CIT: variants seen among roughly 807,000 people sequenced by gnomAD.
The protein encoded by CIT is citron rho-interacting serine/threonine kinase.
In CIT, 79 loss-of-function variants were observed where a neutral mutation model predicts 272.7. The ratio of observed to expected loss-of-function variants is 0.29; its 90% CI spans 0.24 to 0.35. The LOEUF (loss-of-function observed/expected upper bound fraction) is 0.35. Ranked by LOEUF, CIT falls within the 10% of genes least tolerant of loss-of-function variation. CIT has a pLI of 1.00. For synonymous variants in CIT, 948 were observed against 995.6 expected, an observed-to-expected ratio of 0.95 and a Z score of 0.90; for missense variants, 1,909 against 2,618.3, an observed-to-expected ratio of 0.73 and a Z score of 5.91.
intron 33 of CIT, 145 bp downstream of exon 33, chr12:119,714,052 A>G (rs1371744834): frequency 3.3e-6 from 3 of 914,266 alleles, no homozygotes; most frequent in Admixed American, 5.6e-5. Flanking sequence ...TCAACAGGGG[A>G]AAAATAGCAT....
rs1963693070 is a variant in CIT, at chr12:119,775,789, C to T, written c.1938G>A (p.Glu646=). ...TGAAAAATCACCTTGGGCTTACCTTCTCCAGTTTCTCTTGGAGCTCCTGAA... is the reference window on the plus strand; with the variant it reads ...TGAAAAATCACCTTGGGCTTACCTTTTCCAGTTTCTCTTGGAGCTCCTGAA... ...LKIQELQEKL[E]KAVKASTEAT... is the part of the protein sequence containing the mutation. Residue 646 remains glutamate, a synonymous_variant, in exon 16 of 48, where the codon GAG becomes GAA. Coordinates refer to ENST00000392521, the MANE Select transcript of CIT (RefSeq NM_001206999.2). 1 of 1,613,400 alleles carries T rather than the reference C, an allele frequency of 6.2e-7. No homozygotes were observed. The highest frequency in any genetic ancestry group is 8.5e-7 in the Non-Finnish European group (1 of 1,179,368).
At chr12:119,808,182 A>G (rs1339978251) in intron 9 of CIT, among the ~76,000 whole-genome samples, 1 of 152,022 alleles carries the variant, frequency 6.6e-6, no homozygotes, top group African/African-American at 2.4e-5. Context: ...TTTTGAGGGG[A>G]AAAAAATTAT....
At chr12:119,727,066 T>C (rs1381245778) in intron 28 of CIT, among the ~76,000 whole-genome samples, 1 of 152,216 alleles carries the variant, frequency 6.6e-6, no homozygotes, top group East Asian at 1.9e-4. Context: ...AAACTTAATA[T>C]ACTTTGGATA....
chr12:119,863,964 C>T (rs900474440), intron 3 of CIT, among the ~76,000 whole-genome samples: 9 of 152,080 alleles, frequency 5.9e-5, no homozygotes, highest in African/African-American at 1.7e-4. Context: ...GATTCGCTGG[C>T]GCCTTGATCT....
intron 7 of CIT, 101 bp downstream of exon 7, chr12:119,832,670 A>AGTG (rs1968722719): frequency 1.0e-6 from 1 of 987,992 alleles, no homozygotes; most frequent in African/African-American, 1.6e-5. Flanking sequence ...AAAGGCTCCA[A>AGTG]AACATTGTTC....
At chr12:119,838,403 T>C (rs1969171026) in intron 5 of CIT, among the ~76,000 whole-genome samples, 1 of 152,062 alleles carries the variant, frequency 6.6e-6, no homozygotes, top group African/African-American at 2.4e-5. Context: ...AGAAGAAGTA[T>C]AGTAACATAA....
chr12:119,775,905 T>C (rs780887013), intron 15 of CIT, 66 bp from the exon 16 acceptor site: 28 of 1,296,070 alleles, frequency 2.2e-5, no homozygotes, highest in Non-Finnish European at 3.1e-5. Flanking sequence ...CTACATTTAT[T>C]GCAGTCCTAT....
At chr12:119,872,053 G>C (rs1022865624) in intron 2 of CIT, among the ~76,000 whole-genome samples, 1 of 152,182 alleles carries the variant, frequency 6.6e-6, no homozygotes, top group Admixed American at 6.6e-5. Flanking sequence ...ACAGCCTGCA[G>C]TGAAATGAGA....
At chr12:119,857,462 G>A (rs1407584937) in intron 4 of CIT, 61 bp downstream of exon 4, 34 of 1,539,424 alleles carry the variant, frequency 2.2e-5, no homozygotes, top group Admixed American at 3.5e-5. Flanking sequence ...GCAGATTATC[G>A]TCTTTGCAAT....
At chr12:119,806,986 C>A (rs994995730) in intron 9 of CIT, among the ~76,000 whole-genome samples, 1 of 152,132 alleles carries the variant, frequency 6.6e-6, no homozygotes, top group Non-Finnish European at 1.5e-5. Context: ...ACTTAGTGAA[C>A]TAGCAGTTAG....
At chr12:119,799,988 G>A (rs1461303780) in intron 10 of CIT, among the ~76,000 whole-genome samples, 1 of 151,924 alleles carries the variant, frequency 6.6e-6, no homozygotes, top group African/African-American at 2.4e-5. Context: ...AGAAATGCAC[G>A]GCTTCACCAA....
At position 119,804,221 on chromosome 12, in the gene CIT, C is replaced by G; in HGVS notation, c.1112-832G>C. 1 of 985,486 alleles carries G rather than the reference C, an allele frequency of 1.0e-6. No individual in the cohort carries two copies. Among genetic ancestry groups the G allele is most frequent in the South Asian group, 4.7e-5 (1 of 21,286 alleles). The allele number at this position is 985,486 out of a possible 1,614,324, so 61.0% of individuals were successfully genotyped here. A position where few individuals can be genotyped will look rare whatever the true frequency, so the allele number is the denominator to read the frequency against. Reference sequence around the variant, plus strand: ...TTACATCCTCTCCACTTCCTCCGACCTACTAAGCGCTCTCGGTCTGGGAGG... The same window carrying G: ...TTACATCCTCTCCACTTCCTCCGACGTACTAAGCGCTCTCGGTCTGGGAGG... On this transcript the variant is annotated intron_variant, in intron 9 of 47. Transcript: ENST00000392521. This position sits in a 1 kb window ranked among gnomAD's most constrained non-coding sequence, Gnocchi z 5.3.
chr12:119,742,693 C>T (rs1197336834), intron 23 of CIT: 1 of 400,016 alleles, frequency 2.5e-6, no homozygotes, highest in East Asian at 3.8e-5. Flanking sequence ...TACATGCACA[C>T]CCTGTACAAA....
At chr12:119,861,859 G>T (rs1950347750) in intron 3 of CIT, among the ~76,000 whole-genome samples, 1 of 152,164 alleles carries the variant, frequency 6.6e-6, no homozygotes, top group Non-Finnish European at 1.5e-5. Flanking sequence ...TTCATCAACA[G>T]AAAAGTTGAA....
intron 40 of CIT, 40 bp from the exon 41 acceptor site, chr12:119,704,495 G>T: frequency 6.3e-7 from 1 of 1,575,320 alleles, no homozygotes; most frequent in Non-Finnish European, 8.7e-7. Flanking sequence ...TGTCACCAGT[G>T]TGATACCGGC....
intron 3 of CIT, among the ~76,000 whole-genome samples, chr12:119,861,024 G>T (rs1235222189): frequency 2.0e-5 from 3 of 151,858 alleles, no homozygotes; most frequent in Non-Finnish European, 2.9e-5. Flanking sequence ...GGGAGGCTGA[G>T]GCATAAGAAT....
At position 119,724,250 on chromosome 12, in the gene CIT, C is replaced by G. The variant is rs375319994; in HGVS notation, c.3592-2801G>C. 2.6e-5 allele frequency among the ~76,000 whole-genome samples: 4 copies of G among 152,252 alleles called. No homozygotes were observed. The East Asian group carries it at 5.8e-4, about 22-fold the overall frequency. ...ATTGCAAGGACTGTAAGAGTTAATT[C>G]ATGTACTCAGAGAGTCAGTCACATG... On this transcript the variant is annotated intron_variant, in intron 28 of 47. Coordinates refer to ENST00000392521, the MANE Select transcript of CIT (RefSeq NM_001206999.2).
chr12:119,791,257 G>C (rs770758899), intron 10 of CIT, among the ~76,000 whole-genome samples: 4 of 152,178 alleles, frequency 2.6e-5, no homozygotes, highest in Non-Finnish European at 5.9e-5. Flanking sequence ...AGGTCATGGA[G>C]GAAAGGGAGA....
Position 119,804,472 on chromosome 12 carries a change from G to A in CIT, c.1112-1083C>T. On this transcript the variant is annotated intron_variant, in intron 9 of 47. Transcript: ENST00000392521. The surrounding 1 kb of genome is among the most constrained non-coding windows in gnomAD (Gnocchi z 5.3). ...CACCTGGCTGCCGCCTGCCTGCCAG[G>A]GGCCAGTGCTGATCCCAGTGACAGA... 1 of 985,784 alleles carries A rather than the reference G, an allele frequency of 1.0e-6. No homozygotes were observed. The highest frequency in any genetic ancestry group is 1.2e-6 in the Non-Finnish European group (1 of 830,196). 61.1% of individuals were successfully genotyped at this position (985,784 alleles called of 1,614,324 possible).
Sources: gnomAD v4.1 joint callset for allele counts (sites outside exome capture counted in the v4.1 genomes callset) on GRCh38, gnomAD v4.1.1 for gene constraint, Gnocchi (gnomAD v3.1) non-coding constraint, MANE v1.5 for transcripts, NCBI Gene and HGNC (gene_info 2026-07-23, HGNC 2026-07-21) for gene names.